SNX6: variants seen among roughly 807,000 people sequenced by gnomAD.
SNX6 encodes sorting nexin-6.
Under a neutral mutation model 63.0 loss-of-function variants are expected in SNX6, and 34 were observed. That is an observed-to-expected ratio of 0.54 (90% confidence interval 0.41 to 0.72). The LOEUF (loss-of-function observed/expected upper bound fraction) is 0.72, where lower values mean the gene tolerates loss of function less well. Ranked by LOEUF, SNX6 falls within the 30% of genes least tolerant of loss-of-function variation. SNX6 has a pLI of 0.00. For synonymous variants in SNX6, 170 were observed against 164.2 expected (o/e 1.04, Z -0.27); for missense variants, 398 against 471.4 (o/e 0.84, Z 1.44).
chr14:34,568,650 T>A (rs1186105640), intron 11 of SNX6: 28 of 784,596 alleles, frequency 3.6e-5, no homozygotes, highest in Non-Finnish European at 4.5e-5. Flanking sequence ...TTTTTTTTTT[T>A]AACGAATGAG....
intron 10 of SNX6, among the ~76,000 whole-genome samples, chr14:34,578,815 T>G (rs1829290944): frequency 6.6e-6 from 1 of 150,624 alleles, no homozygotes; most frequent in Non-Finnish European, 1.5e-5. Context: ...GGCGTGCACC[T>G]GTAGTCCCAG....
intron 2 of SNX6, among the ~76,000 whole-genome samples, chr14:34,627,013 C>A (rs918951816): frequency 4.6e-5 from 7 of 152,146 alleles, no homozygotes; most frequent in African/African-American, 1.4e-4. Context: ...ACCCGAAATA[C>A]AATTTTAAAA....
chr14:34,577,402 A>T (rs1280128583), intron 10 of SNX6, among the ~76,000 whole-genome samples: 1 of 152,096 alleles, frequency 6.6e-6, no homozygotes, highest in Non-Finnish European at 1.5e-5. Context: ...ATTCATTTCA[A>T]TTGTAATTGA....
chr14:34,613,041 CAAAAAAA>C (rs34313201), intron 2 of SNX6, among the ~76,000 whole-genome samples: 2 of 117,842 alleles, frequency 1.7e-5, no homozygotes, highest in African/African-American at 3.2e-5. Flanking sequence ...AGACTCTATC[CAAAAAAA>C]AAAAAAAAAA....
chr14:34,590,901 G>C (rs184232351), intron 8 of SNX6, among the ~76,000 whole-genome samples: 1 of 152,092 alleles, frequency 6.6e-6, no homozygotes, highest in Non-Finnish European at 1.5e-5. Context: ...AAAAAGAAAT[G>C]AACTATCGAT....
chr14:34,573,648 AT>A (rs1166899373), intron 11 of SNX6, among the ~76,000 whole-genome samples: 3 of 147,252 alleles, frequency 2.0e-5, no homozygotes, highest in Non-Finnish European at 3.0e-5. Context: ...TAATTAATTT[AT>A]TTTTTTCGAG....
intron 2 of SNX6, among the ~76,000 whole-genome samples, chr14:34,627,482 T>C (rs548136149): frequency 6.6e-6 from 1 of 152,308 alleles, no homozygotes; most frequent in East Asian, 1.9e-4. Flanking sequence ...TTTTTCTTTT[T>C]TTTCTTTTTT....
intron 2 of SNX6, among the ~76,000 whole-genome samples, chr14:34,627,772 G>C (rs889098706): frequency 1.3e-5 from 2 of 151,908 alleles, no homozygotes; most frequent in African/African-American, 2.4e-5. Context: ...TTACAGGCGT[G>C]AGCCACCGTG....
At chr14:34,568,135 GTT>G in intron 11 of SNX6, 122 bp from the exon 12 acceptor site, 1 of 635,382 alleles carries the variant, frequency 1.6e-6, no homozygotes, top group Non-Finnish European at 2.4e-6. Context: ...CTACATGCCA[GTT>G]ACTCCAATTT....
intron 10 of SNX6, among the ~76,000 whole-genome samples, chr14:34,577,614 C>T (rs1003897604): frequency 2.0e-5 from 3 of 152,088 alleles, no homozygotes; most frequent in Non-Finnish European, 4.4e-5. Flanking sequence ...AAAAAGATAG[C>T]TCTTCAGTAT....
chr14:34,604,299 G>A, intron 5 of SNX6: 1 of 1,234,242 alleles, frequency 8.1e-7, no homozygotes, highest in African/African-American at 1.6e-5. Flanking sequence ...TCATGATCAG[G>A]GCCACTGGAA....
intron 13 of SNX6, among the ~76,000 whole-genome samples, chr14:34,565,583 CTT>C (rs769711177): frequency 1.4e-3 from 217 of 152,258 alleles, no homozygotes; most frequent in Non-Finnish European, 1.4e-3. Flanking sequence ...GTGGCGCAAT[CTT>C]GGCTCACGGC....
At chr14:34,599,637 G>A (rs1486842074) in intron 6 of SNX6, among the ~76,000 whole-genome samples, 1 of 151,458 alleles carries the variant, frequency 6.6e-6, no homozygotes, top group Non-Finnish European at 1.5e-5. Flanking sequence ...AGCCGGGCAT[G>A]GTGAAATGTG....
At chr14:34,571,472 A>G (rs912281053) in intron 11 of SNX6, among the ~76,000 whole-genome samples, 10 of 152,034 alleles carry the variant, frequency 6.6e-5, no homozygotes, top group African/African-American at 2.4e-4. Context: ...ACACAGAAGA[A>G]ACTTAAGCGC....
chr14:34,579,616 A>G (rs1319423204), intron 10 of SNX6, among the ~76,000 whole-genome samples: 6 of 152,118 alleles, frequency 3.9e-5, no homozygotes, highest in Non-Finnish European at 8.8e-5. Context: ...CTAAAACAAA[A>G]AGAATAAAGG....
intron 8 of SNX6, among the ~76,000 whole-genome samples, chr14:34,592,221 A>G (rs576586337): frequency 1.3e-5 from 2 of 152,070 alleles, no homozygotes; most frequent in African/African-American, 4.8e-5. Context: ...CCCCATCTCT[A>G]CTAAAAATAC....
intron 2 of SNX6, among the ~76,000 whole-genome samples, chr14:34,617,338 C>G (rs1397817676): frequency 2.6e-5 from 4 of 152,056 alleles, no homozygotes; most frequent in Non-Finnish European, 5.9e-5. Flanking sequence ...TGTTGTTCCA[C>G]ATATAATTAC....
intron 10 of SNX6, among the ~76,000 whole-genome samples, chr14:34,576,760 T>TA (rs1324008097): frequency 6.6e-6 from 1 of 151,756 alleles, no homozygotes; most frequent in African/African-American, 2.4e-5. Flanking sequence ...GACTCTATAA[T>TA]GAGTTTCAAT....
chr14:34,617,782 G>A (rs996575188), intron 2 of SNX6, among the ~76,000 whole-genome samples: 3 of 151,914 alleles, frequency 2.0e-5, no homozygotes, highest in Non-Finnish European at 2.9e-5. Context: ...TAAGCCGGGC[G>A]TGGTGGCGGG....
Sources: gnomAD v4.1 joint callset for allele counts (sites outside exome capture counted in the v4.1 genomes callset) on GRCh38, gnomAD v4.1.1 for gene constraint, MANE v1.5 for transcripts, NCBI Gene and HGNC (gene_info 2026-07-23, HGNC 2026-07-21) for gene names.